Variants in DHRSX observed in about 807,000 individuals in gnomAD.
DHRSX encodes the protein dehydrogenase/reductase X-linked, also known as polyprenol dehydrogenase.
A neutral mutation model predicts 34.0 loss-of-function variants in DHRSX; 31 were observed. The observed-to-expected ratio is 0.91, with a 90% CI of 0.69 to 1.23. DHRSX has a LOEUF of 1.23. DHRSX is among the 50% of genes most tolerant of loss of function. The pLI, the probability that DHRSX is intolerant of heterozygous loss-of-function variation, is 0.00. For synonymous variants in DHRSX, 201 were observed against 183.8 expected, an observed-to-expected ratio of 1.09 and a Z score of -0.76; for missense variants, 414 against 428.1, an observed-to-expected ratio of 0.97 and a Z score of 0.29.
At chrX:2,293,317 A>T (rs2041890396) in intron 3 of DHRSX, among the ~76,000 whole-genome samples, 1 of 151,316 alleles carries the variant, frequency 6.6e-6, no homozygotes, top group South Asian at 2.1e-4. Context: ...AAAGAAAAGC[A>T]AATTCACAGG....
At chrX:2,409,349 C>T (rs192494029) in intron 2 of DHRSX, among the ~76,000 whole-genome samples, 9 of 152,202 alleles carry the variant, frequency 5.9e-5, no homozygotes, top group Middle Eastern at 3.4e-3. Context: ...TAGGTATACA[C>T]GTGCCATGGC....
At chrX:2,243,700 G>A (rs2124427790) in intron 5 of DHRSX, among the ~76,000 whole-genome samples, 1 of 150,902 alleles carries the variant, frequency 6.6e-6, no homozygotes, top group African/African-American at 2.4e-5. Context: ...TGTTGGCCAG[G>A]CTGCTCTCGA....
At chrX:2,326,458 G>A (rs1808601450) in intron 3 of DHRSX, among the ~76,000 whole-genome samples, 1 of 152,174 alleles carries the variant, frequency 6.6e-6, no homozygotes, top group Non-Finnish European at 1.5e-5. Context: ...GGGAGGTGGA[G>A]GTTGTAGTGA....
At chrX:2,307,145 AATC>A (rs997482113) in intron 3 of DHRSX, among the ~76,000 whole-genome samples, 4 of 152,108 alleles carry the variant, frequency 2.6e-5, no homozygotes, top group African/African-American at 9.7e-5. Context: ...AAAAGAATGA[AATC>A]ATGTTTTTAG....
chrX:2,307,334 A>C (rs900631617), intron 3 of DHRSX, among the ~76,000 whole-genome samples: 4 of 152,166 alleles, frequency 2.6e-5, no homozygotes, highest in Admixed American at 6.6e-5. Flanking sequence ...GAGGGGTGTA[A>C]AGGCTAAAAC....
At chrX:2,240,827 G>A (rs1419816569) in intron 6 of DHRSX, among the ~76,000 whole-genome samples, 2 of 152,026 alleles carry the variant, frequency 1.3e-5, no homozygotes, top group Non-Finnish European at 2.9e-5. Flanking sequence ...TTAGTATCCC[G>A]ACTTGAGATA....
chrX:2,345,679 A>C lies in DHRSX; in HGVS notation c.287-54076T>G, dbSNP rs548572108. Among the ~76,000 whole-genome samples the C allele has an allele frequency of 3.6e-4, 55 of 150,890 alleles. No homozygotes were observed. In the South Asian group the frequency reaches 4.0e-3, roughly 11 times the overall value. Reference sequence around the variant, plus strand: ...TCAAAAAAAAAAAAAAAAAAATCTAAATCAGTACACTTTGAGTAAAGCAAT... The same window carrying C: ...TCAAAAAAAAAAAAAAAAAAATCTACATCAGTACACTTTGAGTAAAGCAAT... On this transcript the variant is annotated intron_variant, in intron 3 of 6. Transcript: ENST00000334651.
intron 3 of DHRSX, among the ~76,000 whole-genome samples, chrX:2,325,169 T>C (rs1161642494): frequency 6.6e-6 from 1 of 152,068 alleles, no homozygotes; most frequent in Non-Finnish European, 1.5e-5. Context: ...AGCTGGGAGC[T>C]TGTACGGGTG....
chrX:2,492,481 A>G (rs2045178020), intron 1 of DHRSX, among the ~76,000 whole-genome samples: 1 of 152,044 alleles, frequency 6.6e-6, no homozygotes, highest in African/African-American at 2.4e-5. Context: ...CCGCAGAAAG[A>G]TCTGTCCACA....
chrX:2,325,664 A>C lies in DHRSX; in HGVS notation c.287-34061T>G, dbSNP rs1463961247. Among the ~76,000 whole-genome samples, 299 of 148,314 alleles carry C rather than the reference A, an allele frequency of 2.0e-3. 1 individual carries two copies. Among genetic ancestry groups the C allele is most frequent in the African/African-American group, 6.7e-3 (268 of 40,176 alleles). On this transcript the variant is annotated intron_variant, in intron 3 of 6. Coordinates refer to ENST00000334651, the MANE Select transcript of DHRSX (RefSeq NM_145177.3). ...CCAACTACAAAGCCCATTTGCATAA[A>C]CGATTAGGGTGGGCAACCAGCCTTT...
At chrX:2,461,657 T>A (rs2044403867) in intron 1 of DHRSX, among the ~76,000 whole-genome samples, 2 of 152,172 alleles carry the variant, frequency 1.3e-5, no homozygotes, top group South Asian at 4.1e-4. Context: ...TCCTCCCACC[T>A]CAGCCACCCA....
chrX:2,318,649 G>T (rs2042269710), intron 3 of DHRSX, among the ~76,000 whole-genome samples: 1 of 148,154 alleles, frequency 6.7e-6, no homozygotes, highest in Admixed American at 6.7e-5. Flanking sequence ...CTAAAAAGGG[G>T]AGGAACCCTC....
At chrX:2,255,305 GAC>G (rs1223818167) in intron 5 of DHRSX, among the ~76,000 whole-genome samples, 1 of 152,114 alleles carries the variant, frequency 6.6e-6, no homozygotes, top group Non-Finnish European at 1.5e-5. Flanking sequence ...TTCGCTCATA[GAC>G]ACATAGTGAG....
intron 3 of DHRSX, among the ~76,000 whole-genome samples, chrX:2,388,866 C>G (rs1180036276): frequency 6.6e-6 from 1 of 150,934 alleles, no homozygotes; most frequent in Non-Finnish European, 1.5e-5. Context: ...TGACAGCAGC[C>G]TGAAATAGAC....
At chrX:2,236,898 A>T (rs757845856) in intron 6 of DHRSX, among the ~76,000 whole-genome samples, 3 of 146,522 alleles carry the variant, frequency 2.0e-5, no homozygotes, top group African/African-American at 7.4e-5. Flanking sequence ...AAAAAAAAAG[A>T]AATGGGGGGG....
intron 3 of DHRSX, among the ~76,000 whole-genome samples, chrX:2,367,461 A>G (rs1205575028): frequency 1.8e-4 from 28 of 152,020 alleles, no homozygotes; most frequent in Admixed American, 1.6e-3. Context: ...AAAGAAAAAA[A>G]AAAAAGAACG....
At chrX:2,345,994 A>C (rs919711328) in intron 3 of DHRSX, among the ~76,000 whole-genome samples, 14 of 152,154 alleles carry the variant, frequency 9.2e-5, no homozygotes, top group African/African-American at 3.4e-4. Flanking sequence ...TCAGACACAC[A>C]GTTCCCTGGT....
chrX:2,491,506 AC>A (rs760013139), intron 1 of DHRSX, among the ~76,000 whole-genome samples: 269 of 152,026 alleles, frequency 1.8e-3, no homozygotes, highest in African/African-American at 6.2e-3. Context: ...GGCCAGGCAG[AC>A]CCCCCACTGC....
At chrX:2,484,982 C>T (rs2044848954) in intron 1 of DHRSX, among the ~76,000 whole-genome samples, 2 of 152,098 alleles carry the variant, frequency 1.3e-5, no homozygotes, top group African/African-American at 4.8e-5. Context: ...TCTCACTTTC[C>T]CCAAGCTGTT....
Sources: allele counts gnomAD v4.1 joint callset (sites outside exome capture counted in the v4.1 genomes callset), GRCh38; gene constraint gnomAD v4.1.1; transcripts MANE v1.5; gene names NCBI Gene and HGNC (gene_info 2026-07-23, HGNC 2026-07-21).